Variants in ARHGEF10 observed in about 807,000 individuals in gnomAD.
ARHGEF10 encodes the protein Rho guanine nucleotide exchange factor (GEF) 10.
In ARHGEF10, 140 loss-of-function variants were observed where a neutral mutation model predicts 147.4. That is an observed-to-expected ratio of 0.95 (90% CI 0.83 to 1.09). The LOEUF is 1.09. Ranked by LOEUF, ARHGEF10 falls within the 50% of genes least tolerant of loss-of-function variation. The pLI, the probability that ARHGEF10 is intolerant of heterozygous loss-of-function variation, is 0.00. For missense variants in ARHGEF10, 2,222 were observed against 1,752.7 expected, an observed-to-expected ratio of 1.27 and a Z score of -4.78; for synonymous variants, 902 against 695.8, an observed-to-expected ratio of 1.30 and a Z score of -4.67.
intron 8 of ARHGEF10, among the ~76,000 whole-genome samples, chr8:1,879,063 T>C (rs1020768168): frequency 2.6e-5 from 4 of 152,200 alleles, no homozygotes; most frequent in Admixed American, 6.5e-5. Flanking sequence ...GGTCACATTT[T>C]AAAAACGACC....
chr8:1,850,491 CG>C (rs567238387), intron 2 of ARHGEF10, among the ~76,000 whole-genome samples: 3 of 116,488 alleles, frequency 2.6e-5, no homozygotes, highest in Non-Finnish European at 3.5e-5. Flanking sequence ...GTGCGGAAGA[CG>C]GCATGGGCCA....
intron 14 of ARHGEF10, among the ~76,000 whole-genome samples, chr8:1,897,529 T>A: frequency 6.7e-6 from 1 of 149,904 alleles, no homozygotes; most frequent in East Asian, 2.0e-4. Context: ...TCCTAAGGCA[T>A]CGGATCGCAG....
intron 5 of ARHGEF10, 105 bp from the exon 6 acceptor site, chr8:1,866,421 T>C (rs1806616846): frequency 1.2e-6 from 1 of 810,948 alleles, no homozygotes; most frequent in Admixed American, 2.0e-5. Flanking sequence ...ATATATATTC[T>C]GACACACACA....
chr8:1,849,400 C>T (rs553895828), intron 2 of ARHGEF10, among the ~76,000 whole-genome samples: 4 of 145,984 alleles, frequency 2.7e-5, no homozygotes, highest in East Asian at 2.1e-4. Context: ...CCGAGGAGGG[C>T]GTGGGCCGGC....
chr8:1,926,948 C>T lies in ARHGEF10; in HGVS notation c.2697+485C>T, dbSNP rs1812737897. 1.2e-5 allele frequency: 3 copies of T among 251,626 alleles called. No individual in the cohort carries two copies. In the South Asian group the frequency reaches 1.3e-4, roughly 11 times the overall value. 15.6% of individuals were successfully genotyped at this position (251,626 alleles called of 1,614,324 possible). ...TCTTGAAGCTGTGTGGTCCCAGGCT[C>T]TCCCCTCTCTGGTTTCCTGTGTTCC... is the stretch of plus-strand genomic sequence containing the variant. On this transcript the variant is annotated intron_variant, in intron 23 of 28. Transcript: ENST00000349830.
chr8:1,933,665 C>G, intron 25 of ARHGEF10, 135 bp from the exon 26 acceptor site: 1 of 1,181,580 alleles, frequency 8.5e-7, no homozygotes, highest in Non-Finnish European at 1.2e-6. Context: ...CCAGACACAG[C>G]CAGGATCAGG....
intron 27 of ARHGEF10, among the ~76,000 whole-genome samples, chr8:1,949,694 C>G (rs1284312421): frequency 6.6e-6 from 1 of 151,866 alleles, no homozygotes; most frequent in East Asian, 1.9e-4. Context: ...AAACGTGTAA[C>G]TTTTCTGAAG....
At position 1,903,322 on chromosome 8, in the gene ARHGEF10, G is replaced by A; in HGVS notation, c.1692G>A (p.Leu564=). The change falls in exon 16 of 29, where the codon CTG becomes CTA. Residue 564 remains leucine, a synonymous_variant. Transcript: ENST00000349830. ...CCTCCAAAGGCCACCCCGACAGGCT[G>A]CCTCTTCAGATGGCCCTGACAGAGC... ...KNTSKGHPDR[L]PLQMALTELE... 6.2e-7 allele frequency: 1 copy of A among 1,614,156 alleles called. No homozygotes were observed. Among genetic ancestry groups the A allele is most frequent in the Non-Finnish European group, 8.5e-7 (1 of 1,180,038 alleles).
chr8:1,849,930 C>G (rs1312614554), intron 2 of ARHGEF10, among the ~76,000 whole-genome samples: 64 of 73,664 alleles, frequency 8.7e-4, no homozygotes, highest in Admixed American at 1.4e-3. Flanking sequence ...AGGGCGTGGG[C>G]CGGCTGCGTG....
At chr8:1,916,391 TTAAA>T (rs963299277) in intron 18 of ARHGEF10, among the ~76,000 whole-genome samples, 1 of 152,244 alleles carries the variant, frequency 6.6e-6, no homozygotes, top group African/African-American at 2.4e-5. Context: ...TTTTACTTGA[TTAAA>T]TATCTGGAAT....
At chr8:1,950,280 C>G (rs1208751014) in intron 27 of ARHGEF10, among the ~76,000 whole-genome samples, 30 of 152,196 alleles carry the variant, frequency 2.0e-4, no homozygotes, top group Admixed American at 1.9e-3. Flanking sequence ...TCCGGACGGG[C>G]ACGGGACGCC....
intron 18 of ARHGEF10, among the ~76,000 whole-genome samples, chr8:1,920,052 G>GGGTGATGGAGCTGTTCTA (rs1563286461): frequency 3.2e-5 from 3 of 93,946 alleles, no homozygotes; most frequent in Non-Finnish European, 4.7e-5. Flanking sequence ...GAGCTGTTCC[G>GGGTGATGGAGCTGTTCTA]TGGGTGATGG....
intron 11 of ARHGEF10, among the ~76,000 whole-genome samples, chr8:1,889,629 T>A (rs1355845757): frequency 1.7e-3 from 69 of 40,210 alleles, no homozygotes; most frequent in East Asian, 3.1e-3. Context: ...CTGTGAGGAG[T>A]CATGGAGTGT....
rs1563186241 is a variant in ARHGEF10 at position 1,858,053 on chromosome 8, G to C, written c.131G>C (p.Arg44Thr). 6.2e-7 allele frequency: 1 copy of C among 1,614,144 alleles called. No homozygotes were observed. ...DSGDEIPEAD[R>T]QAPSAPETGG... Reference sequence around the variant, plus strand: ...GGAGATGAAATCCCAGAAGCGGACAGACAGGCCCCATCCGCCCCTGAGACA... The same window carrying C: ...GGAGATGAAATCCCAGAAGCGGACACACAGGCCCCATCCGCCCCTGAGACA... Residue 44 changes from arginine (R) to threonine (T), a missense_variant, in exon 3 of 29, where the codon AGA (arginine) becomes ACA (threonine). Physicochemically the swap from Arg to Thr is moderately conservative, Grantham distance 71 (BLOSUM62 -1). Coordinates refer to ENST00000349830, the MANE Select transcript of ARHGEF10 (RefSeq NM_014629.4).
chr8:1,908,569 G>C (rs918733869), intron 17 of ARHGEF10, among the ~76,000 whole-genome samples: 1 of 152,116 alleles, frequency 6.6e-6, no homozygotes, highest in African/African-American at 2.4e-5. Flanking sequence ...TTGAAGAAAA[G>C]CAAAACGTGA....
chr8:1,949,556 G>A (rs1297173480), intron 27 of ARHGEF10, among the ~76,000 whole-genome samples: 1 of 152,130 alleles, frequency 6.6e-6, no homozygotes, highest in Non-Finnish European at 1.5e-5. Context: ...GGATATTTTT[G>A]ATGGGAAAGT....
chr8:1,944,511 CG>C (rs1223368673), intron 26 of ARHGEF10, among the ~76,000 whole-genome samples: 4 of 152,184 alleles, frequency 2.6e-5, no homozygotes, highest in Admixed American at 2.6e-4. Flanking sequence ...TTTGGTGCCA[CG>C]GGGCATGTGT....
rs1218334902 is a variant in ARHGEF10 at position 1,831,507 on chromosome 8, G to C, written c.-48+7394G>C. Among the ~76,000 whole-genome samples, 25 of 148,760 alleles carry C rather than the reference G, an allele frequency of 1.7e-4. 1 individual carries two copies. Among genetic ancestry groups the C allele is most frequent in the Admixed American group, 1.1e-3 (16 of 15,032 alleles). Reference sequence around the variant, plus strand: ...GTGGAGGGACAGTGTGACGGCCGTGGAGGGACAGTGTGACATCCGTGGAGG... The same window carrying C: ...GTGGAGGGACAGTGTGACGGCCGTGCAGGGACAGTGTGACATCCGTGGAGG... On this transcript the variant is annotated intron_variant, in intron 1 of 28. Coordinates refer to ENST00000349830, the MANE Select transcript of ARHGEF10 (RefSeq NM_014629.4).
At chr8:1,883,794 A>T (rs78972657) in intron 10 of ARHGEF10, among the ~76,000 whole-genome samples, 1 of 152,132 alleles carries the variant, frequency 6.6e-6, no homozygotes, top group African/African-American at 2.4e-5. Flanking sequence ...GCCCCTGGAA[A>T]GCACAGGCAG....
Sources: gnomAD v4.1 joint callset for allele counts (sites outside exome capture counted in the v4.1 genomes callset) on GRCh38, gnomAD v4.1.1 for gene constraint, MANE v1.5 for transcripts, NCBI Gene and HGNC (gene_info 2026-07-23, HGNC 2026-07-21) for gene names.